Variants in CCDC102B observed in about 807,000 individuals in gnomAD.
CCDC102B encodes coiled-coil domain containing 102B, also known as coiled-coil domain-containing protein 102B.
CCDC102B carries 75 observed loss-of-function variants against 57.4 expected under a neutral mutation model. The ratio of observed to expected loss-of-function variants is 1.31; its 90% CI spans 1.08 to 1.58. The LOEUF (loss-of-function observed/expected upper bound fraction) is 1.58. Among genes scored for constraint, CCDC102B ranks in the 40% most tolerant of loss-of-function variants. The pLI is 0.00. For synonymous variants in CCDC102B, 206 were observed against 201.9 expected, an observed-to-expected ratio of 1.02 and a Z score of -0.17; for missense variants, 636 against 582.6, an observed-to-expected ratio of 1.09 and a Z score of -0.94.
chr18:68,892,641 C>T lies in CCDC102B; in HGVS notation c.1054-4578C>T, dbSNP rs77188481. Reference sequence around the variant, plus strand: ...GTCTGTGTTCACGTTCTAAACTATGCAATTTTCAAAGGATACTATTTTATA... The same window carrying T: ...GTCTGTGTTCACGTTCTAAACTATGTAATTTTCAAAGGATACTATTTTATA... On this transcript the variant is annotated intron_variant, in intron 5 of 7. Coordinates refer to ENST00000360242, the MANE Select transcript of CCDC102B (RefSeq NM_024781.3). Among the ~76,000 whole-genome samples the T allele has an allele frequency of 3.8e-3, 580 of 152,130 alleles. 2 individuals are homozygous for T. Among genetic ancestry groups the T allele is most frequent in the Non-Finnish European group, 5.6e-3 (380 of 67,998 alleles).
intron 2 of CCDC102B, among the ~76,000 whole-genome samples, chr18:68,775,132 A>C (rs1262643237): frequency 6.6e-6 from 1 of 151,426 alleles, no homozygotes; most frequent in Non-Finnish European, 1.5e-5. Flanking sequence ...TTATGTTGAT[A>C]TGCTACTAGT....
chr18:68,982,339 T>C (rs2050610344), intron 6 of CCDC102B, among the ~76,000 whole-genome samples: 1 of 151,990 alleles, frequency 6.6e-6, no homozygotes, highest in African/African-American at 2.4e-5. Context: ...TTATACTATT[T>C]TTTCATAACC....
chr18:68,941,733 C>T (rs2049385150), intron 6 of CCDC102B, among the ~76,000 whole-genome samples: 1 of 151,988 alleles, frequency 6.6e-6, no homozygotes. Flanking sequence ...CATCAAAATG[C>T]AATGTGATGA....
In CCDC102B at chr18:68,736,415, C is replaced by A. The variant is rs566161919; in HGVS notation, c.-67+19821C>A. 2.0e-5 allele frequency among the ~76,000 whole-genome samples: 3 copies of A among 152,126 alleles called. No individual in the cohort carries two copies. The South Asian group carries it at 6.2e-4, about 31-fold the overall frequency. On this transcript the variant is annotated intron_variant, in intron 2 of 3. Transcript: ENST00000578970. ...TGAATTAACGCTGAGTATGAGCTAACGTAAGAGCTTTATTATTTAAATTGT... is the reference window on the plus strand; with the variant it reads ...TGAATTAACGCTGAGTATGAGCTAAAGTAAGAGCTTTATTATTTAAATTGT...
intron 2 of CCDC102B, among the ~76,000 whole-genome samples, chr18:68,724,124 C>T (rs145682868): frequency 2.6e-5 from 4 of 152,280 alleles, no homozygotes; most frequent in Admixed American, 6.5e-5. Context: ...CCAAGCTATG[C>T]CTTGGCCCCT....
intron 6 of CCDC102B, among the ~76,000 whole-genome samples, chr18:68,989,606 C>T (rs2050810837): frequency 6.6e-6 from 1 of 152,180 alleles, no homozygotes; most frequent in South Asian, 2.1e-4. Context: ...CCCTCATGAG[C>T]CTCAGGCAGG....
chr18:69,007,357 A>G (rs1397560360), intron 6 of CCDC102B, among the ~76,000 whole-genome samples: 1 of 152,198 alleles, frequency 6.6e-6, no homozygotes, highest in Non-Finnish European at 1.5e-5. Flanking sequence ...GGACTCCCCC[A>G]AAGTCTCAGA....
chr18:68,943,635 T>A (rs915686317), intron 6 of CCDC102B, among the ~76,000 whole-genome samples: 1 of 152,162 alleles, frequency 6.6e-6, no homozygotes, highest in African/African-American at 2.4e-5. Context: ...AGACACTGAA[T>A]GAGTACTTCA....
chr18:68,762,966 C>T (rs1161900722), intron 2 of CCDC102B, among the ~76,000 whole-genome samples: 1 of 152,038 alleles, frequency 6.6e-6, no homozygotes, highest in African/African-American at 2.4e-5. Context: ...TATTTTACCT[C>T]AGCCTCACAA....
intron 7 of CCDC102B, among the ~76,000 whole-genome samples, chr18:69,029,442 G>A (rs558427657): frequency 3.0e-4 from 46 of 152,290 alleles, no homozygotes; most frequent in African/African-American, 8.4e-4. Flanking sequence ...GTTGGAGGAT[G>A]TGTTTCCTCA....
intron 2 of CCDC102B, among the ~76,000 whole-genome samples, chr18:68,765,016 C>T (rs2034377169): frequency 6.8e-6 from 1 of 148,008 alleles, no homozygotes; most frequent in Non-Finnish European, 1.5e-5. Context: ...CACTGCACTC[C>T]AGCCTGGGTG....
At chr18:68,903,496 A>G (rs1422782285) in intron 6 of CCDC102B, among the ~76,000 whole-genome samples, 3 of 152,176 alleles carry the variant, frequency 2.0e-5, no homozygotes, top group Non-Finnish European at 4.4e-5. Context: ...CAATTTCCAG[A>G]CATTATTTTT....
chr18:68,793,420 C>T (rs1291863687), upstream of CCDC102B, among the ~76,000 whole-genome samples: 1 of 151,970 alleles, frequency 6.6e-6, no homozygotes, highest in Admixed American at 6.6e-5. Context: ...AATGTTAGTA[C>T]TATTAATTCT....
chr18:68,772,235 A>G (rs2034663992), intron 2 of CCDC102B, among the ~76,000 whole-genome samples: 1 of 152,078 alleles, frequency 6.6e-6, no homozygotes, highest in Admixed American at 6.6e-5. Flanking sequence ...TAACACAATG[A>G]CTTTTTTTTT....
chr18:68,959,265 A>G (rs73967745), intron 6 of CCDC102B, among the ~76,000 whole-genome samples: 2,083 of 152,262 alleles, frequency 0.014, 43 homozygotes, highest in African/African-American at 0.046. Context: ...GCAGAGTCAT[A>G]GAAATAGTGC....
At chr18:68,988,904 G>T (rs988389251) in intron 6 of CCDC102B, among the ~76,000 whole-genome samples, 1 of 152,172 alleles carries the variant, frequency 6.6e-6, no homozygotes, top group Admixed American at 6.6e-5. Context: ...TGTGTATTGC[G>T]TGGACAACTT....
intron 6 of CCDC102B, among the ~76,000 whole-genome samples, chr18:68,984,788 TATC>T (rs2050683171): frequency 1.3e-5 from 2 of 152,168 alleles, no homozygotes; most frequent in Admixed American, 1.3e-4. Flanking sequence ...GTGTCTTATA[TATC>T]ATCATATTAA....
At chr18:68,815,076 C>A (rs1183247219) in intron 1 of CCDC102B, among the ~76,000 whole-genome samples, 3 of 152,092 alleles carry the variant, frequency 2.0e-5, no homozygotes, top group African/African-American at 7.2e-5. Context: ...TTATATATTT[C>A]ATGTAAGTTT....
chr18:68,948,164 A>G (rs2049592602), intron 6 of CCDC102B, among the ~76,000 whole-genome samples: 1 of 152,124 alleles, frequency 6.6e-6, no homozygotes, highest in Admixed American at 6.6e-5. Context: ...AGCTTCTGAA[A>G]TGTCACATAA....
Sources: gnomAD v4.1 joint callset for allele counts (sites outside exome capture counted in the v4.1 genomes callset) on GRCh38, gnomAD v4.1.1 for gene constraint, MANE v1.5 for transcripts, NCBI Gene and HGNC (gene_info 2026-07-23, HGNC 2026-07-21) for gene names.